The following ZBTB7B variants were observed in gnomAD, a reference collection of about 807,000 sequenced individuals.
ZBTB7B encodes the protein zinc finger and BTB domain-containing protein 7B.
In ZBTB7B, 8 loss-of-function variants were observed where a neutral mutation model predicts 31.0. The ratio of observed to expected loss-of-function variants is 0.26; its 90% CI spans 0.15 to 0.47. The LOEUF is 0.47. ZBTB7B is among the 20% of genes least tolerant of loss of function. ZBTB7B has a pLI of 0.99. For missense variants in ZBTB7B, 494 were observed against 742.4 expected (o/e 0.67, Z 3.89); for synonymous variants, 261 against 307.3 (o/e 0.85, Z 1.58).
rs1032635477 is a variant in ZBTB7B, at chr1:155,017,078, G to C, written c.*393G>C. The C allele has an allele frequency of 1.6e-5, 3 of 182,136 alleles. No individual in the cohort carries two copies. Among genetic ancestry groups the C allele is most frequent in the Admixed American group, 5.6e-5 (1 of 17,732 alleles). The allele number at this position is 182,136 out of a possible 1,614,324, so 11.3% of individuals were successfully genotyped here. A position where few individuals can be genotyped will look rare whatever the true frequency, so the allele number is the denominator to read the frequency against. On this transcript the variant is annotated 3_prime_UTR_variant, in exon 3 of 3. Coordinates refer to ENST00000535420, the MANE Select transcript of ZBTB7B (RefSeq NM_001256455.2). ...TTGCCCCGCCCCTATGCCCCTTGGG[G>C]GTTTTGGCTGTGTAAGGGGGTGAAG...
chr1:155,014,113 T>A lies in ZBTB7B; in HGVS notation c.-6-542T>A, dbSNP rs191190676. The A allele has an allele frequency of 1.6e-3, 1,541 of 985,444 alleles. 2 individuals carry two copies. The highest frequency in any genetic ancestry group is 1.8e-3 in the Non-Finnish European group (1,460 of 829,258). 61.0% of individuals were successfully genotyped at this position (985,444 alleles called of 1,614,324 possible). A position where few individuals can be genotyped will look rare whatever the true frequency, so the allele number is the denominator to read the frequency against. Reference sequence around the variant, plus strand: ...TCCAGTGTGAGTCTGAACTCTCTCATTGGCCTCTCCCCAGGTTATGAGGAG... The same window carrying A: ...TCCAGTGTGAGTCTGAACTCTCTCAATGGCCTCTCCCCAGGTTATGAGGAG... On this transcript the variant is annotated intron_variant, in intron 1 of 2. Coordinates refer to ENST00000535420, the MANE Select transcript of ZBTB7B (RefSeq NM_001256455.2).
At chr1:155,002,332 A>AG (rs558384860), upstream of ZBTB7B, among the ~76,000 whole-genome samples, 303 of 136,090 alleles carry the variant, frequency 2.2e-3, 1 homozygote, top group African/African-American at 6.9e-3. Context: ...GGCAGGAGAA[A>AG]GGGGGGGGAG....
Position 155,016,322 on chromosome 1 carries a change from C to T in ZBTB7B, c.1257C>T (p.Asn419=), listed in dbSNP as rs1222022847. ...TCCTGCACAGCTACGACCTCAAGAACCACATGCACCTGCACACAGGGGACC... is the reference window on the plus strand; with the variant it reads ...TCCTGCACAGCTACGACCTCAAGAATCACATGCACCTGCACACAGGGGACC... ...ARFLHSYDLK[N]HMHLHTGDRP... The change falls in exon 3 of 3, where the codon AAC becomes AAT. Residue 419 remains asparagine (N), a synonymous_variant. Transcript: ENST00000535420. The surrounding 1 kb of genome is among the most constrained non-coding windows in gnomAD (Gnocchi z 4.3). 2 of 1,614,130 alleles carry T rather than the reference C, an allele frequency of 1.2e-6. No homozygotes were observed. The highest frequency in any genetic ancestry group is 2.2e-5 in the East Asian group (1 of 44,882).
In ZBTB7B at chr1:155,010,846, G is replaced by C. The variant is rs982379879; in HGVS notation, c.-6-3809G>C. On this transcript the variant is annotated intron_variant, in intron 1 of 2. Coordinates refer to ENST00000535420, the MANE Select transcript of ZBTB7B (RefSeq NM_001256455.2). ...AGGGAGAAAGGAGACAGAAGTAAGG[G>C]GGAGGGGTGGCCAGCCAAGGCACCA... 7 of 1,292,018 alleles carry C rather than the reference G, an allele frequency of 5.4e-6. No individual in the cohort carries two copies. The Admixed American group carries it at 1.4e-4, about 26-fold the overall frequency. The allele number at this position is 1,292,018 out of a possible 1,614,324, so 80.0% of individuals were successfully genotyped here.
rs1480428837 is a variant in ZBTB7B at position 155,017,629 on chromosome 1, G to C, written c.*944G>C. 1.3e-5 allele frequency: 2 copies of C among 152,462 alleles called. No individual in the cohort carries two copies. The highest frequency in any genetic ancestry group is 2.9e-5 in the Non-Finnish European group (2 of 68,184). The allele number at this position is 152,462 out of a possible 1,614,324, so 9.4% of individuals were successfully genotyped here. Reference sequence around the variant, plus strand: ...AGGGTGTGGGACAGGGTAAGGGGTTGGAAGAGCCTTGTGGAGAGCGGGCGA... The same window carrying C: ...AGGGTGTGGGACAGGGTAAGGGGTTCGAAGAGCCTTGTGGAGAGCGGGCGA... On this transcript the variant is annotated 3_prime_UTR_variant, in exon 3 of 3. Transcript: ENST00000535420.
In ZBTB7B at chr1:155,015,561, G is replaced by A. The variant is rs762909994; in HGVS notation, c.901G>A (p.Glu301Lys). ...AQGGGPPLSP[E>K]ELGSDEDAID... is the part of the protein sequence containing the mutation. ...GGGTGGCGGGCCCCCGCTGTCCCCA[G>A]AGGAGCTGGGCTCAGATGAGGATGC... The change falls in exon 2 of 3, where the codon GAG (glutamate) becomes AAG (lysine). Residue 301 changes from glutamate (E) to lysine (K), a missense_variant. Physicochemically the swap from Glu to Lys is moderately conservative, Grantham distance 56 (BLOSUM62 1). Around this residue, in one of 5 missense-constraint regions of ZBTB7B, gnomAD observed 216 missense variants for 229.3 expected, o/e 0.94. Coordinates refer to ENST00000535420, the MANE Select transcript of ZBTB7B (RefSeq NM_001256455.2). 5 of 1,613,738 alleles carry A rather than the reference G, an allele frequency of 3.1e-6. No individual in the cohort carries two copies. Among genetic ancestry groups the A allele is most frequent in the African/African-American group, 1.3e-5 (1 of 74,926 alleles).
chr1:155,014,294 G>T (rs1659198442), intron 1 of ZBTB7B, among the ~76,000 whole-genome samples: 1 of 152,214 alleles, frequency 6.6e-6, no homozygotes, highest in South Asian at 2.1e-4. Context: ...TGGGGAATGG[G>T]GCAGGTGACA....
rs115942605 is a variant in ZBTB7B, at chr1:155,006,511, G to A, written c.-7+3568G>A. On this transcript the variant is annotated intron_variant, in intron 1 of 2. Transcript: ENST00000535420. ...TGTGCCAGATTCAGGGGTCGAAGGT[G>A]CCCCAGGCAAAAGAGGGCTGATGGC... 2.0e-5 allele frequency among the ~76,000 whole-genome samples: 3 copies of A among 152,260 alleles called. No homozygotes were observed. In the South Asian group the frequency reaches 6.2e-4, roughly 32 times the overall value.
chr1:155,007,010 G>A (rs1658597550), intron 1 of ZBTB7B, among the ~76,000 whole-genome samples: 1 of 152,230 alleles, frequency 6.6e-6, no homozygotes, highest in South Asian at 2.1e-4. Context: ...AGCAATTGTG[G>A]TGCACACTGG....
Position 155,015,036 on chromosome 1 carries a change from C to T in ZBTB7B, c.376C>T (p.Arg126Cys), listed in dbSNP as rs757437920. ...ANMPAVLQAA[R>C]LLEIPCVIAA... ...CATGCCAGCTGTGCTCCAGGCTGCC[C>T]GCCTGCTGGAGATCCCGTGTGTCAT... Residue 126 changes from arginine to cysteine, a missense_variant, in exon 2 of 3, where the codon CGC (arginine) becomes TGC (cysteine). By Grantham distance (180) the Arg-to-Cys change is radical (BLOSUM62 -3). Around this residue, in one of 5 missense-constraint regions of ZBTB7B, gnomAD observed 90 missense variants for 143.2 expected, o/e 0.63. Transcript: ENST00000535420. The T allele has an allele frequency of 3.7e-6, 6 of 1,613,816 alleles. No individual in the cohort carries two copies. Among genetic ancestry groups the T allele is most frequent in the Admixed American group, 3.3e-5 (2 of 60,002 alleles).
At position 155,016,550 on chromosome 1, in the gene ZBTB7B, CCTCT is replaced by C. The variant is rs1484536096; in HGVS notation, c.1490_1493del (p.Ser497Ter). 6.2e-7 allele frequency: 1 copy of C among 1,613,998 alleles called. No individual in the cohort carries two copies. Among genetic ancestry groups the C allele is most frequent in the African/African-American group, 1.3e-5 (1 of 74,936 alleles). Reference sequence around the variant, plus strand: ...CCAATGGCCACCTGGACACCTTCCGCCTCTCTCTAGCTCGATTCTGGGAGCAGTC... The same window carrying C: ...CCAATGGCCACCTGGACACCTTCCGCCTCTAGCTCGATTCTGGGAGCAGTC... On this transcript the variant is annotated frameshift_variant, in exon 3 of 3. Coordinates refer to ENST00000535420, the MANE Select transcript of ZBTB7B (RefSeq NM_001256455.2). LOFTEE classifies it high-confidence loss of function. The surrounding 1 kb of genome is among the most constrained non-coding windows in gnomAD (Gnocchi z 4.3).
upstream of ZBTB7B, among the ~76,000 whole-genome samples, chr1:155,002,209 C>G (rs1005234121): frequency 3.3e-5 from 5 of 151,870 alleles, no homozygotes; most frequent in Non-Finnish European, 7.4e-5. Flanking sequence ...AGCGGGTATT[C>G]AGGCCAATGA....
rs747400597 is a variant in ZBTB7B, at chr1:155,016,597, C to T, written c.1532C>T (p.Pro511Leu). ...GAGCAGTCAGCCCCCACTGGGCCCCCGGTCTCTACCCCAGGGCCCCCTGAT... is the reference window on the plus strand; with the variant it reads ...GAGCAGTCAGCCCCCACTGGGCCCCTGGTCTCTACCCCAGGGCCCCCTGAT... ...FWEQSAPTGPPVSTPGPPDDD... is the reference protein window; with the variant it reads ...FWEQSAPTGPLVSTPGPPDDD... Residue 511 changes from proline (P) to leucine (L), a missense_variant, in exon 3 of 3, where the codon CCG becomes CTG. Physicochemically the swap from Pro to Leu is moderately conservative, Grantham distance 98. Around this residue, in one of 5 missense-constraint regions of ZBTB7B, gnomAD observed 101 missense variants for 119.5 expected, o/e 0.85. Transcript: ENST00000535420. This position sits in a 1 kb window ranked among gnomAD's most constrained non-coding sequence, Gnocchi z 4.3. 1.5e-5 allele frequency: 24 copies of T among 1,612,944 alleles called. No individual in the cohort carries two copies. The highest frequency in any genetic ancestry group is 2.0e-5 in the Non-Finnish European group (24 of 1,179,196).
intron 1 of ZBTB7B, among the ~76,000 whole-genome samples, chr1:155,011,755 A>C (rs921018776): frequency 2.0e-5 from 3 of 152,210 alleles, no homozygotes; most frequent in African/African-American, 7.2e-5. Context: ...GCGTCAGGGG[A>C]CTGGGCCCTC....
chr1:155,017,358 GAGGGGCCCCGCCC>G lies in ZBTB7B; in HGVS notation c.*676_*688del, dbSNP rs1553257702. 1 of 151,914 alleles carries G rather than the reference GAGGGGCCCCGCCC, an allele frequency of 6.6e-6. No homozygotes were observed. Among genetic ancestry groups the G allele is most frequent in the Non-Finnish European group, 1.5e-5 (1 of 67,882 alleles). The allele number at this position is 151,914 out of a possible 1,614,324, so 9.4% of individuals were successfully genotyped here. ...GGCTCGCCTGCCCCTGGGGGCAGTA[GAGGGGCCCCGCCC>G]AGCTAGGGGAGCCGCTCCGTTCCAC... On this transcript the variant is annotated 3_prime_UTR_variant, in exon 3 of 3. Transcript: ENST00000535420.
intron 1 of ZBTB7B, among the ~76,000 whole-genome samples, chr1:155,007,129 C>G (rs1397684647): frequency 6.6e-6 from 1 of 152,220 alleles, no homozygotes; most frequent in Non-Finnish European, 1.5e-5. Context: ...CTGCATCCCC[C>G]CACTTTATTC....
intron 1 of ZBTB7B, among the ~76,000 whole-genome samples, chr1:155,005,810 T>G (rs957711284): frequency 6.6e-6 from 1 of 152,164 alleles, no homozygotes; most frequent in African/African-American, 2.4e-5. Context: ...TGAGTAAACT[T>G]GACGTTTTGC....
At chr1:155,008,570 G>A (rs1161765410) in intron 1 of ZBTB7B, among the ~76,000 whole-genome samples, 2 of 152,122 alleles carry the variant, frequency 1.3e-5, no homozygotes, top group East Asian at 3.9e-4. Flanking sequence ...CCTTCTCCTG[G>A]TCCCACCTCC....
rs777544975 is a variant in ZBTB7B at position 155,015,089 on chromosome 1, C to T, written c.429C>T (p.Gly143=). 19 of 1,613,710 alleles carry T rather than the reference C, an allele frequency of 1.2e-5. No individual in the cohort carries two copies. Among genetic ancestry groups the T allele is most frequent in the East Asian group, 2.2e-5 (1 of 44,864 alleles). ...CTGCTTGCATGGAGATTCTGCAGGG[C>T]AGTGGGCTAGAAGCTCCCAGCCCGG... is the stretch of plus-strand genomic sequence containing the variant. ...VIAACMEILQ[G]SGLEAPSPDE... Residue 143 remains glycine, a synonymous_variant, in exon 2 of 3, where the codon GGC becomes GGT. Coordinates refer to ENST00000535420, the MANE Select transcript of ZBTB7B (RefSeq NM_001256455.2).
Sources: allele counts gnomAD v4.1 joint callset (sites outside exome capture counted in the v4.1 genomes callset), GRCh38; gene constraint gnomAD v4.1.1; regional missense constraint gnomAD v4.1.1; non-coding constraint Gnocchi (gnomAD v3.1); transcripts MANE v1.5; gene names NCBI Gene and HGNC (gene_info 2026-07-23, HGNC 2026-07-21).